Variants in UNC5C observed in about 807,000 individuals in gnomAD.
UNC5C encodes netrin receptor UNC5C.
UNC5C carries 47 observed loss-of-function variants against 99.8 expected under a neutral mutation model. The observed-to-expected ratio is 0.47, with a 90% CI of 0.37 to 0.60. The LOEUF (loss-of-function observed/expected upper bound fraction) is 0.60. UNC5C is among the 20% of genes least tolerant of loss of function. UNC5C has a pLI of 0.00. For missense variants in UNC5C, 1,062 were observed against 1,165.9 expected, an observed-to-expected ratio of 0.91 and a Z score of 1.30; for synonymous variants, 487 against 452.2, an observed-to-expected ratio of 1.08 and a Z score of -0.98.
At chr4:95,193,218 A>T (rs1045164477) in intron 12 of UNC5C, among the ~76,000 whole-genome samples, 11 of 152,228 alleles carry the variant, frequency 7.2e-5, no homozygotes, top group Non-Finnish European at 1.5e-5. Context: ...CAGCAGAAGC[A>T]TGAGCAGGTG....
chr4:95,331,929 GACAA>G (rs1379605186), intron 2 of UNC5C, among the ~76,000 whole-genome samples: 2 of 151,928 alleles, frequency 1.3e-5, no homozygotes, highest in Admixed American at 6.6e-5. Context: ...ACCAACAACA[GACAA>G]ACAGAGAGCC....
intron 2 of UNC5C, among the ~76,000 whole-genome samples, chr4:95,308,810 T>C (rs1375749246): frequency 8.1e-6 from 1 of 122,978 alleles, no homozygotes; most frequent in African/African-American, 3.1e-5. Flanking sequence ...AATGGAAAGA[T>C]ATGTTCATGG....
At chr4:95,513,332 T>TG (rs1439128884) in intron 1 of UNC5C, among the ~76,000 whole-genome samples, 2 of 152,174 alleles carry the variant, frequency 1.3e-5, no homozygotes, top group African/African-American at 4.8e-5. Context: ...ACCAGCCCAG[T>TG]GTGCTAAGTG....
At chr4:95,376,079 A>AAT (rs976897608) in intron 1 of UNC5C, among the ~76,000 whole-genome samples, 64 of 151,628 alleles carry the variant, frequency 4.2e-4, no homozygotes, top group East Asian at 2.5e-3. Context: ...AACAAACAAA[A>AAT]ATATATATAT....
rs150548800 is a variant in UNC5C, at chr4:95,170,390, A to G, written c.2452-58T>C. The G allele has an allele frequency of 1.0e-3, 1,617 of 1,567,156 alleles. 18 individuals are homozygous for G. In the Admixed American group the frequency reaches 0.018, roughly 17 times the overall value. On this transcript the variant is annotated intron_variant, in intron 14 of 15. Transcript: ENST00000453304. ...ATTTCTGAGGACAAAAGCAATCTCT[A>G]TTGAACCAATCAACATAATGCCTTG...
chr4:95,442,817 T>C lies in UNC5C; in HGVS notation c.124+105917A>G, dbSNP rs1335117916. ...GTCCATGCATGAGTGTGTGCGCCAA[T>C]ACACACACACACACACACATACACA... On this transcript the variant is annotated intron_variant, in intron 1 of 15. Transcript: ENST00000453304. Among the ~76,000 whole-genome samples the C allele has an allele frequency of 2.7e-5, 4 of 150,376 alleles. No individual in the cohort carries two copies. The East Asian group carries it at 7.9e-4, about 30-fold the overall frequency.
chr4:95,439,518 A>G (rs1017871465), intron 1 of UNC5C, among the ~76,000 whole-genome samples: 19 of 152,138 alleles, frequency 1.2e-4, no homozygotes, highest in African/African-American at 4.6e-4. Flanking sequence ...AAAGAGAAAT[A>G]CTTCTGGAAA....
At chr4:95,183,990 CATT>C (rs1736724448) in intron 13 of UNC5C, among the ~76,000 whole-genome samples, 1 of 152,132 alleles carries the variant, frequency 6.6e-6, no homozygotes, top group Non-Finnish European at 1.5e-5. Flanking sequence ...ATCATATTAT[CATT>C]ATCATTAAAA....
chr4:95,178,862 T>G (rs563196638), intron 14 of UNC5C, among the ~76,000 whole-genome samples: 1 of 152,318 alleles, frequency 6.6e-6, no homozygotes, highest in Non-Finnish European at 1.5e-5. Flanking sequence ...TCTGTGTAGA[T>G]GAAACAAGCT....
chr4:95,389,877 A>T (rs1225929456), intron 1 of UNC5C, among the ~76,000 whole-genome samples: 1 of 152,150 alleles, frequency 6.6e-6, no homozygotes, highest in African/African-American at 2.4e-5. Context: ...AAATAATATT[A>T]TTAAGATAAT....
intron 1 of UNC5C, among the ~76,000 whole-genome samples, chr4:95,537,782 GT>G (rs997205788): frequency 2.4e-4 from 37 of 152,204 alleles, no homozygotes; most frequent in African/African-American, 8.2e-4. Context: ...ACACATTCCT[GT>G]TTTTACTTGC....
At chr4:95,206,053 T>A (rs964896543) in intron 11 of UNC5C, among the ~76,000 whole-genome samples, 7 of 151,022 alleles carry the variant, frequency 4.6e-5, no homozygotes, top group African/African-American at 1.7e-4. Context: ...CAAGCTGGAG[T>A]GCAGTGGTGC....
At chr4:95,512,656 C>A (rs1004635479) in intron 1 of UNC5C, among the ~76,000 whole-genome samples, 1 of 152,116 alleles carries the variant, frequency 6.6e-6, no homozygotes, top group Non-Finnish European at 1.5e-5. Flanking sequence ...AATTTACCAT[C>A]TCTGACATTT....
Position 95,242,534 on chromosome 4 carries a change from A to G in UNC5C, c.1003T>C (p.Trp335Arg). The G allele has an allele frequency of 6.2e-7, 1 of 1,612,126 alleles. No individual in the cohort carries two copies. The highest frequency in any genetic ancestry group is 8.5e-7 in the Non-Finnish European group (1 of 1,179,140). Residue 335 changes from tryptophan (W) to arginine (R), a missense_variant, in exon 7 of 16, where the codon TGG (tryptophan) becomes CGG (arginine). By Grantham distance (101) the Trp-to-Arg change is moderately radical. This residue lies in a region of UNC5C where 810 missense variants were observed against 854.5 expected (regional missense o/e 0.95). Transcript: ENST00000453304. ...WSTCGTECTHWRRRECTAPAP... is the reference protein window; with the variant it reads ...WSTCGTECTHRRRRECTAPAP... ...GGCGCCGTGCACTCCCTCCTGCGCC[A>G]GTGGGTGCACTCAGTTCCACAAGTA... is the stretch of plus-strand genomic sequence containing the variant.
chr4:95,375,893 C>G (rs181360839), intron 1 of UNC5C, among the ~76,000 whole-genome samples: 5,507 of 151,972 alleles, frequency 0.036, 147 homozygotes, highest in Middle Eastern at 0.075. Context: ...CTGGCTAACA[C>G]GGTGAAACCC....
intron 1 of UNC5C, among the ~76,000 whole-genome samples, chr4:95,494,331 T>C (rs2149482303): frequency 6.6e-6 from 1 of 151,642 alleles, no homozygotes; most frequent in Non-Finnish European, 1.5e-5. Flanking sequence ...AACTGGCTTA[T>C]TAGTAATGGC....
chr4:95,227,703 C>G (rs1738751113), intron 7 of UNC5C, among the ~76,000 whole-genome samples: 1 of 152,114 alleles, frequency 6.6e-6, no homozygotes, highest in South Asian at 2.1e-4. Flanking sequence ...TATGAGGAGA[C>G]AGAGTCTCAA....
chr4:95,432,018 A>G (rs1333345863), intron 1 of UNC5C, among the ~76,000 whole-genome samples: 2 of 152,132 alleles, frequency 1.3e-5, no homozygotes, highest in Non-Finnish European at 1.5e-5. Context: ...TAAGAGATGT[A>G]AAAGGAAATG....
intron 2 of UNC5C, among the ~76,000 whole-genome samples, chr4:95,302,978 A>G (rs1218389580): frequency 6.6e-6 from 1 of 152,120 alleles, no homozygotes; most frequent in African/African-American, 2.4e-5. Flanking sequence ...AACCCAATCT[A>G]GTGTGAAGGA....
Sources: allele counts gnomAD v4.1 joint callset (sites outside exome capture counted in the v4.1 genomes callset), GRCh38; gene constraint gnomAD v4.1.1; regional missense constraint gnomAD v4.1.1; transcripts MANE v1.5; gene names NCBI Gene and HGNC (gene_info 2026-07-23, HGNC 2026-07-21).